The following TASP1 variants were observed in gnomAD, a reference collection of about 807,000 sequenced individuals.
The protein encoded by TASP1 is threonine aspartase 1.
Under a neutral mutation model 56.6 loss-of-function variants are expected in TASP1, and 16 were observed. The ratio of observed to expected loss-of-function variants is 0.28; its 90% CI spans 0.19 to 0.43. TASP1 has a LOEUF of 0.43. Among genes scored for constraint, TASP1 ranks in the 20% least tolerant of loss-of-function variants. The pLI is 1.00. For missense variants in TASP1, 393 were observed against 511.6 expected (o/e 0.77, Z 2.24); for synonymous variants, 179 against 184.2 (o/e 0.97, Z 0.23).
chr20:13,433,379 T>C (rs2042879817), intron 12 of TASP1, among the ~76,000 whole-genome samples: 1 of 152,136 alleles, frequency 6.6e-6, no homozygotes, highest in African/African-American at 2.4e-5. Context: ...TGGAAGAATA[T>C]TCAAAGGATT....
intron 11 of TASP1, among the ~76,000 whole-genome samples, chr20:13,448,939 G>A (rs6033711): frequency 0.012 from 1,812 of 152,126 alleles, 47 homozygotes; most frequent in African/African-American, 0.041. Flanking sequence ...AGTTGTCTTC[G>A]AGTGAGGTAA....
chr20:13,383,118 A>G, the TASP1 span, among the ~76,000 whole-genome samples: 1 of 152,156 alleles, frequency 6.6e-6, no homozygotes, highest in Non-Finnish European at 1.5e-5. Flanking sequence ...GGGTCGGAGA[A>G]CAAGAAGGAG....
At chr20:13,122,033 C>G in the TASP1 span, among the ~76,000 whole-genome samples, 3 of 152,102 alleles carry the variant, frequency 2.0e-5, no homozygotes, top group South Asian at 6.2e-4. Flanking sequence ...GTGATGGTCC[C>G]CAAGCTAAGA....
At chr20:13,257,711 T>TA in the TASP1 span, among the ~76,000 whole-genome samples, 2,373 of 141,506 alleles carry the variant, frequency 0.017, 22 homozygotes, top group African/African-American at 0.026. Flanking sequence ...GTATTTTCCT[T>TA]AAAAAAAAAA....
At chr20:13,326,806 C>G in the TASP1 span, among the ~76,000 whole-genome samples, 1 of 152,116 alleles carries the variant, frequency 6.6e-6, no homozygotes, top group African/African-American at 2.4e-5. Flanking sequence ...ATTGCTGAAA[C>G]ATACCTCAAA....
intron 4 of TASP1, among the ~76,000 whole-genome samples, chr20:13,592,269 C>G (rs907694688): frequency 6.6e-6 from 1 of 151,762 alleles, no homozygotes; most frequent in Admixed American, 6.6e-5. Flanking sequence ...TGGTGGCGGG[C>G]ACCTGTAATC....
chr20:13,575,369 G>A (rs1050643423), intron 6 of TASP1, among the ~76,000 whole-genome samples: 1 of 152,178 alleles, frequency 6.6e-6, no homozygotes. Context: ...TCATGGGAGG[G>A]ACCCAGTGGG....
the TASP1 span, among the ~76,000 whole-genome samples, chr20:13,112,173 C>T: frequency 3.9e-5 from 6 of 152,238 alleles, no homozygotes; most frequent in Non-Finnish European, 7.3e-5. Flanking sequence ...TTCTTCTACT[C>T]CACATGGCAT....
chr20:13,594,971 A>G (rs1487819566), intron 4 of TASP1, among the ~76,000 whole-genome samples: 3 of 152,236 alleles, frequency 2.0e-5, no homozygotes, highest in African/African-American at 4.8e-5. Context: ...AAGGGCAGCC[A>G]GAAAGAAATG....
At chr20:13,475,827 CG>C (rs1276565259) in intron 11 of TASP1, among the ~76,000 whole-genome samples, 2 of 151,802 alleles carry the variant, frequency 1.3e-5, no homozygotes, top group Non-Finnish European at 2.9e-5. Context: ...ACCCTGGAGG[CG>C]GAGACTGCAG....
At chr20:13,638,145 G>A (rs1181545021) in intron 1 of TASP1, among the ~76,000 whole-genome samples, 2 of 152,092 alleles carry the variant, frequency 1.3e-5, no homozygotes, top group Non-Finnish European at 2.9e-5. Flanking sequence ...TGTAAGTGGT[G>A]GGGAAAAGTT....
Position 13,587,311 on chromosome 20 carries a change from C to T in TASP1, c.342G>A (p.Glu114=). ...TTCCATCCATTATGCTGGCATCACA[C>T]TCAATTTCACCTAACAGATTTAGAT... The part of the protein sequence containing the change: ...GSNLNLLGEI[E]CDASIMDGKS... The change falls in exon 5 of 14, where the codon GAG becomes GAA. Residue 114 remains glutamate, a synonymous_variant. Coordinates refer to ENST00000337743, the MANE Select transcript of TASP1 (RefSeq NM_017714.3). The T allele has an allele frequency of 6.2e-7, 1 of 1,612,924 alleles. No homozygotes were observed. The highest frequency in any genetic ancestry group is 8.5e-7 in the Non-Finnish European group (1 of 1,179,508).
At chr20:13,142,179 T>C in the TASP1 span, among the ~76,000 whole-genome samples, 1 of 152,178 alleles carries the variant, frequency 6.6e-6, no homozygotes, top group Non-Finnish European at 1.5e-5. Context: ...AAAATTTCCC[T>C]AGAAAGAATG....
Position 13,562,143 on chromosome 20 carries a change from C to T in TASP1, c.569-3029G>A, listed in dbSNP as rs147514024. Among the ~76,000 whole-genome samples, 727 of 152,122 alleles carry T rather than the reference C, an allele frequency of 4.8e-3. 4 individuals are homozygous for T. Among genetic ancestry groups the T allele is most frequent in the African/African-American group, 0.016 (652 of 41,510 alleles). The stretch of plus-strand genomic sequence containing the variant: ...GTTAGAAATCAATGGTAGAAGAAAA[C>T]TGGAAAATGCACAAATTGTGAAAAC... On this transcript the variant is annotated intron_variant, in intron 7 of 13. Coordinates refer to ENST00000337743, the MANE Select transcript of TASP1 (RefSeq NM_017714.3).
At position 13,603,583 on chromosome 20, in the gene TASP1, CCA is replaced by C. The variant is rs1467516745; in HGVS notation, c.283-16215_283-16214del. 9.9e-5 allele frequency among the ~76,000 whole-genome samples: 15 copies of C among 152,170 alleles called. No individual in the cohort carries two copies. In the South Asian group the frequency reaches 3.1e-3, roughly 32 times the overall value. On this transcript the variant is annotated intron_variant, in intron 4 of 13. Transcript: ENST00000337743. The stretch of plus-strand genomic sequence containing the variant: ...ATAAGTTTATTAAAGAAAAATCAAA[CCA>C]CAGTCTGGGAGAAATTTTATAAAAC...
chr20:13,579,553 CG>C (rs1568607222), intron 6 of TASP1, among the ~76,000 whole-genome samples: 1 of 151,924 alleles, frequency 6.6e-6, no homozygotes, highest in Non-Finnish European at 1.5e-5. Flanking sequence ...TTAGTAGAGA[CG>C]GGGTTTCACC....
At chr20:13,508,192 T>G (rs545998383) in intron 10 of TASP1, among the ~76,000 whole-genome samples, 1 of 95,596 alleles carries the variant, frequency 1.0e-5, no homozygotes, top group East Asian at 3.0e-4. Flanking sequence ...TGGAAATGAT[T>G]TTTTTTTTTT....
At chr20:13,309,388 A>T in the TASP1 span, among the ~76,000 whole-genome samples, 1 of 152,182 alleles carries the variant, frequency 6.6e-6, no homozygotes, top group Non-Finnish European at 1.5e-5. Context: ...CATAATAAAA[A>T]CTCTCAATGA....
chr20:13,394,334 G>T (rs189034517), intron 13 of TASP1, among the ~76,000 whole-genome samples: 4 of 135,994 alleles, frequency 2.9e-5, no homozygotes, highest in African/African-American at 1.4e-4. Flanking sequence ...AAAAAGGCCT[G>T]GTGCGGTAGC....
Sources: allele counts gnomAD v4.1 joint callset (sites outside exome capture counted in the v4.1 genomes callset), GRCh38; gene constraint gnomAD v4.1.1; transcripts MANE v1.5; gene names NCBI Gene and HGNC (gene_info 2026-07-23, HGNC 2026-07-21).